MYH15: variants seen among roughly 807,000 people sequenced by gnomAD.
MYH15 encodes myosin heavy chain 15.
A neutral mutation model predicts 240.5 loss-of-function variants in MYH15; 227 were observed. The observed-to-expected ratio is 0.94, with a 90% CI of 0.85 to 1.05. The LOEUF is 1.05. Ranked by LOEUF, MYH15 falls within the 50% of genes least tolerant of loss-of-function variation. MYH15 has a pLI of 0.00. For missense variants in MYH15, 2,217 were observed against 2,247.5 expected (o/e 0.99, Z 0.27); for synonymous variants, 785 against 796.7 (o/e 0.99, Z 0.25).
At chr3:108,389,608 C>T (rs1318040912) in intron 37 of MYH15, among the ~76,000 whole-genome samples, 1 of 152,188 alleles carries the variant, frequency 6.6e-6, no homozygotes, top group Non-Finnish European at 1.5e-5. Flanking sequence ...ACATACCACA[C>T]CCCAGTGCTA....
chr3:108,546,123 G>A, the MYH15 span, among the ~76,000 whole-genome samples: 46 of 152,180 alleles, frequency 3.0e-4, 1 homozygote, highest in African/African-American at 8.9e-4. Context: ...AAAGGGGTTG[G>A]GATCACTGTT....
At chr3:108,438,051 C>T (rs1197589852) in intron 24 of MYH15, among the ~76,000 whole-genome samples, 1 of 152,192 alleles carries the variant, frequency 6.6e-6, no homozygotes. Flanking sequence ...AGTCCATTTA[C>T]TTGGGAGTGC....
chr3:108,434,417 G>T (rs2082813290), intron 25 of MYH15, among the ~76,000 whole-genome samples: 1 of 151,628 alleles, frequency 6.6e-6, no homozygotes, highest in Non-Finnish European at 1.5e-5. Context: ...CCCAACCTCA[G>T]GTGATCTGCC....
intron 9 of MYH15, 42 bp from the exon 10 acceptor site, chr3:108,486,568 T>C: frequency 7.4e-7 from 1 of 1,346,196 alleles, no homozygotes; most frequent in African/African-American, 1.4e-5. Context: ...TAAAGAAATC[T>C]GCAAGGCCTT....
In MYH15 at chr3:108,437,605, C is replaced by T; in HGVS notation, c.3170G>A (p.Ser1057Asn). ...CTGGCTGCTTTCCAGGTTCTCCATA[C>T]TTTCCCGATTCAGCTTTAAATTGCC... ...LEGNLKLNRE[S>N]MENLESSQRH... The change falls in exon 25 of 41, where the codon AGT becomes AAT. Residue 1057 changes from serine to asparagine, a missense_variant. By Grantham distance (46) the Ser-to-Asn change is conservative. Transcript: ENST00000693548. The T allele has an allele frequency of 6.2e-7, 1 of 1,614,120 alleles. No individual in the cohort carries two copies. Among genetic ancestry groups the T allele is most frequent in the East Asian group, 2.2e-5 (1 of 44,868 alleles).
chr3:108,388,048 A>G (rs1263715881), intron 38 of MYH15, among the ~76,000 whole-genome samples: 5 of 152,178 alleles, frequency 3.3e-5, no homozygotes, highest in Non-Finnish European at 7.4e-5. Context: ...TTGCCTTTGT[A>G]TTGGAATAAG....
At chr3:108,384,101 C>G (rs1370865468) in intron 39 of MYH15, among the ~76,000 whole-genome samples, 2 of 152,086 alleles carry the variant, frequency 1.3e-5, no homozygotes, top group African/African-American at 2.4e-5. Flanking sequence ...TATGGGTCAA[C>G]AGGTAATTAT....
At chr3:108,429,383 A>C (rs1002203523) in intron 26 of MYH15, among the ~76,000 whole-genome samples, 2 of 152,226 alleles carry the variant, frequency 1.3e-5, no homozygotes, top group African/African-American at 4.8e-5. Flanking sequence ...CAATTCTAAA[A>C]AACTTGGTTA....
upstream of MYH15, among the ~76,000 whole-genome samples, chr3:108,533,714 C>A (rs117463257): frequency 6.6e-6 from 1 of 152,180 alleles, no homozygotes; most frequent in East Asian, 1.9e-4. Context: ...TAAAGGAAAC[C>A]AGAATACATG....
chr3:108,420,920 C>G (rs545641555), intron 28 of MYH15, among the ~76,000 whole-genome samples, 168 bp downstream of exon 28: 1 of 152,062 alleles, frequency 6.6e-6, no homozygotes, highest in South Asian at 2.1e-4. Context: ...GTAACACTTC[C>G]TAGACAAGAG....
chr3:108,535,445 C>G, the MYH15 span, among the ~76,000 whole-genome samples: 1 of 152,086 alleles, frequency 6.6e-6, no homozygotes, highest in East Asian at 1.9e-4. Context: ...GGGCACTAAT[C>G]CCATTTATGA....
chr3:108,506,512 A>G (rs1452018230), intron 1 of MYH15, among the ~76,000 whole-genome samples: 2 of 152,224 alleles, frequency 1.3e-5, no homozygotes, highest in Non-Finnish European at 2.9e-5. Context: ...GAAATGAGCC[A>G]GAACTCTTAT....
At position 108,434,190 on chromosome 3, in the gene MYH15, G is replaced by GTT. The variant is rs5851590; in HGVS notation, c.3222-3270_3222-3269dup. 3.6e-3 allele frequency among the ~76,000 whole-genome samples: 466 copies of GTT among 130,940 alleles called. 20 individuals carry two copies. The highest frequency in any genetic ancestry group is 0.018 in the East Asian group (84 of 4,614). 85.9% of individuals were successfully genotyped at this position (130,940 alleles called of 152,430 possible). On this transcript the variant is annotated intron_variant, in intron 25 of 40. Coordinates refer to ENST00000693548, the MANE Select transcript of MYH15 (RefSeq NM_014981.3). ...TAAATATATTATTGAATTGAGAATG[G>GTT]TTTTTTTTTTTTTTTGAGTTTCACT... is the stretch of plus-strand genomic sequence containing the variant.
intron 16 of MYH15, among the ~76,000 whole-genome samples, chr3:108,460,931 A>T (rs2083066323): frequency 6.6e-6 from 1 of 152,134 alleles, no homozygotes; most frequent in Admixed American, 6.6e-5. Context: ...GATTACAGAT[A>T]ATTTTTATGT....
At chr3:108,388,888 G>T in intron 38 of MYH15, 82 bp downstream of exon 38, 1 of 1,198,234 alleles carries the variant, frequency 8.3e-7, no homozygotes. Context: ...AGGAGTCCCA[G>T]AAGGCCATTT....
chr3:108,467,055 G>T (rs886515753), intron 14 of MYH15, among the ~76,000 whole-genome samples: 2 of 151,900 alleles, frequency 1.3e-5, no homozygotes, highest in African/African-American at 4.8e-5. Context: ...GCCTTCTGGG[G>T]TTTGTACATC....
chr3:108,405,372 G>A lies in MYH15; in HGVS notation c.4702C>T (p.Leu1568Phe), dbSNP rs1025284099. The A allele has an allele frequency of 6.6e-7, 1 of 1,510,432 alleles. No homozygotes were observed. Among genetic ancestry groups the A allele is most frequent in the African/African-American group, 1.4e-5 (1 of 73,322 alleles). The allele number at this position is 1,510,432 out of a possible 1,614,324, so 93.6% of individuals were successfully genotyped here. The change falls in exon 33 of 41, where the codon CTT (leucine) becomes TTT (phenylalanine). Residue 1568 changes from leucine to phenylalanine, a missense_variant. By Grantham distance (22) the Leu-to-Phe change is conservative (BLOSUM62 0). Coordinates refer to ENST00000693548, the MANE Select transcript of MYH15 (RefSeq NM_014981.3). ...LEAKAELERK[L>F]SEKDEEIENF... is the part of the protein sequence containing the mutation. ...TCTATTTCTTCATCTTTCTCTGAAA[G>A]CTTTCTTTCAAGTTCTGCTTTAGCT... is the stretch of plus-strand genomic sequence containing the variant.
Position 108,439,892 on chromosome 3 carries a change from C to G in MYH15, c.2920G>C (p.Val974Leu). 6.2e-7 allele frequency: 1 copy of G among 1,602,594 alleles called. No homozygotes were observed. Among genetic ancestry groups the G allele is most frequent in the Non-Finnish European group, 8.5e-7 (1 of 1,175,490 alleles). ...EHKVKNLTEE[V>L]EFLNEDISKL... ...CTGATATCCTCATTTAGAAACTCTACTTCCTCAGTCAAGTTCTTGACCTGT... is the reference window on the plus strand; with the variant it reads ...CTGATATCCTCATTTAGAAACTCTAGTTCCTCAGTCAAGTTCTTGACCTGT... The change falls in exon 24 of 41, where the codon GTA (valine) becomes CTA (leucine). Residue 974 changes from valine to leucine, a missense_variant. Val to Leu is a conservative substitution (Grantham distance 32). Transcript: ENST00000693548.
At chr3:108,394,733 G>T (rs1207230563) in intron 35 of MYH15, among the ~76,000 whole-genome samples, 1 of 152,168 alleles carries the variant, frequency 6.6e-6, no homozygotes, top group South Asian at 2.1e-4. Context: ...TTTGTGTTCT[G>T]TGGTTGGTGC....
Sources: allele counts gnomAD v4.1 joint callset (sites outside exome capture counted in the v4.1 genomes callset), GRCh38; gene constraint gnomAD v4.1.1; transcripts MANE v1.5; gene names NCBI Gene and HGNC (gene_info 2026-07-23, HGNC 2026-07-21).